ZSWIM2: variants seen among roughly 807,000 people sequenced by gnomAD.
ZSWIM2 encodes E3 ubiquitin-protein ligase ZSWIM2.
In ZSWIM2, 38 loss-of-function variants were observed where a neutral mutation model predicts 48.4. That is an observed-to-expected ratio of 0.79 (90% CI 0.61 to 1.03). The LOEUF (loss-of-function observed/expected upper bound fraction) is 1.03, where lower values mean the gene tolerates loss of function less well. ZSWIM2 is among the 50% of genes least tolerant of loss of function. The pLI is 0.00. For missense variants in ZSWIM2, 776 were observed against 730.2 expected, an observed-to-expected ratio of 1.06 and a Z score of -0.72; for synonymous variants, 240 against 251.3, an observed-to-expected ratio of 0.96 and a Z score of 0.42.
intron 4 of ZSWIM2, 80 bp from the exon 5 acceptor site, chr2:186,837,634 T>C (rs1248008446): frequency 1.7e-5 from 7 of 410,016 alleles, no homozygotes; most frequent in Non-Finnish European, 1.4e-5. Flanking sequence ...ATATATTATA[T>C]ATATATTTAT....
chr2:186,838,403 T>C (rs1037835656), intron 4 of ZSWIM2, among the ~76,000 whole-genome samples: 4 of 149,940 alleles, frequency 2.7e-5, no homozygotes, highest in Admixed American at 2.7e-4. Context: ...GGTTTAAAGA[T>C]AGAATTTTGA....
chr2:186,845,142 C>A (rs940338589), intron 2 of ZSWIM2, among the ~76,000 whole-genome samples: 5 of 151,302 alleles, frequency 3.3e-5, no homozygotes, highest in East Asian at 1.9e-4. Context: ...TGGCTGTTTT[C>A]CTACATATAC....
intron 2 of ZSWIM2, 37 bp downstream of exon 2, chr2:186,847,682 T>C: frequency 2.7e-6 from 4 of 1,485,276 alleles, no homozygotes; most frequent in Non-Finnish European, 3.7e-6. Context: ...ACCAAGATGT[T>C]CCTTCATGGA....
chr2:186,838,871 T>TTTCC, intron 4 of ZSWIM2, 88 bp downstream of exon 4: 1 of 1,166,844 alleles, frequency 8.6e-7, no homozygotes, highest in Non-Finnish European at 1.2e-6. Context: ...GTCTATTTTT[T>TTTCC]CCCTATCATG....
chr2:186,828,503 G>A lies in ZSWIM2; in HGVS notation c.1383C>T (p.Ala461=), dbSNP rs1172977878. The change falls in exon 9 of 9, where the codon GCC becomes GCT. Residue 461 remains alanine (A), a synonymous_variant. Transcript: ENST00000295131. ...GATTATCTATTGTTGTATTTTCATA[G>A]GCATCTTTTGGGCTTTGAGGTGTAT... is the stretch of plus-strand genomic sequence containing the variant. ...ELNTPQSPKD[A]YENTTIDNLC... 1 of 1,613,156 alleles carries A rather than the reference G, an allele frequency of 6.2e-7. No individual in the cohort carries two copies. Among genetic ancestry groups the A allele is most frequent in the Non-Finnish European group, 8.5e-7 (1 of 1,179,640 alleles).
At chr2:186,834,238 T>C (rs1358535448) in intron 5 of ZSWIM2, among the ~76,000 whole-genome samples, 1 of 152,150 alleles carries the variant, frequency 6.6e-6, no homozygotes, top group Non-Finnish European at 1.5e-5. Context: ...TATCTTACAG[T>C]TCCATTGGAT....
intron 2 of ZSWIM2, among the ~76,000 whole-genome samples, chr2:186,845,137 G>A (rs1691973426): frequency 6.6e-6 from 1 of 151,000 alleles, no homozygotes; most frequent in African/African-American, 2.4e-5. Flanking sequence ...CCAAATGGCT[G>A]TTTTCCTACA....
At position 186,828,652 on chromosome 2, in the gene ZSWIM2, C is replaced by A; in HGVS notation, c.1234G>T (p.Asp412Tyr). Residue 412 changes from aspartate to tyrosine, a missense_variant, in exon 9 of 9, where the codon GAC becomes TAC. Transcript: ENST00000295131. ...TTCTGCTTTGATAGATGAATGATGTCTCTGTTTGAAACAGACTGATGTGCT... is the reference window on the plus strand; with the variant it reads ...TTCTGCTTTGATAGATGAATGATGTATCTGTTTGAAACAGACTGATGTGCT... Reference protein sequence around the residue: ...GQAHQSVSNRDIIHLSKQKEP... With the variant: ...GQAHQSVSNRYIIHLSKQKEP... 1 of 1,613,238 alleles carries A rather than the reference C, an allele frequency of 6.2e-7. No individual in the cohort carries two copies. The highest frequency in any genetic ancestry group is 8.5e-7 in the Non-Finnish European group (1 of 1,179,648).
At chr2:186,847,676 A>T in intron 2 of ZSWIM2, 43 bp downstream of exon 2, 1 of 1,454,156 alleles carries the variant, frequency 6.9e-7, no homozygotes, top group Non-Finnish European at 9.5e-7. Flanking sequence ...TAACACACCA[A>T]GATGTTCCTT....
At chr2:186,837,253 G>C (rs980530167) in intron 5 of ZSWIM2, 53 bp downstream of exon 5, 7 of 1,589,966 alleles carry the variant, frequency 4.4e-6, no homozygotes, top group Non-Finnish European at 6.0e-6. Flanking sequence ...AAAGTTTCCT[G>C]ATGTAAAAAA....
At chr2:186,842,178 C>A (rs1217042860) in intron 3 of ZSWIM2, among the ~76,000 whole-genome samples, 2 of 151,284 alleles carry the variant, frequency 1.3e-5, no homozygotes, top group African/African-American at 2.4e-5. Flanking sequence ...TCTTCCATTA[C>A]AAGTAACATT....
intron 6 of ZSWIM2, among the ~76,000 whole-genome samples, chr2:186,833,439 A>T (rs2105817128): frequency 6.6e-6 from 1 of 152,266 alleles, no homozygotes; most frequent in African/African-American, 2.4e-5. Context: ...TTTTTAAGGT[A>T]AAAAATAACA....
At chr2:186,845,511 C>A (rs760054718) in intron 2 of ZSWIM2, among the ~76,000 whole-genome samples, 1 of 150,854 alleles carries the variant, frequency 6.6e-6, no homozygotes, top group East Asian at 1.9e-4. Context: ...AAAAAGTGAT[C>A]GAAATAAAAG....
chr2:186,829,496 C>G (rs1387577277), intron 8 of ZSWIM2, among the ~76,000 whole-genome samples: 1 of 152,002 alleles, frequency 6.6e-6, no homozygotes, highest in Non-Finnish European at 1.5e-5. Context: ...ACCATTTTAT[C>G]TTTCCTAGAT....
At chr2:186,834,455 CCTT>C (rs983880507) in intron 5 of ZSWIM2, among the ~76,000 whole-genome samples, 39 of 152,080 alleles carry the variant, frequency 2.6e-4, no homozygotes, top group African/African-American at 9.2e-4. Context: ...CAAATCTCCT[CCTT>C]CTGTCAGATC....
intron 5 of ZSWIM2, among the ~76,000 whole-genome samples, 195 bp from the exon 6 acceptor site, chr2:186,834,225 T>C (rs930339062): frequency 1.3e-5 from 2 of 152,148 alleles, no homozygotes. Context: ...TGCACAAATG[T>C]ATTATCTTAC....
At chr2:186,834,693 C>A (rs762259206) in intron 5 of ZSWIM2, among the ~76,000 whole-genome samples, 2 of 152,074 alleles carry the variant, frequency 1.3e-5, no homozygotes, top group African/African-American at 2.4e-5. Context: ...AGACTGCCTA[C>A]ATTTATTAGC....
At chr2:186,830,338 C>T (rs1317445634) in intron 7 of ZSWIM2, among the ~76,000 whole-genome samples, 2 of 152,096 alleles carry the variant, frequency 1.3e-5, no homozygotes, top group African/African-American at 2.4e-5. Context: ...GCCGAGATCA[C>T]GGCACTGTAC....
At position 186,849,073 on chromosome 2, in the gene ZSWIM2, T is replaced by G; in HGVS notation, c.58A>C (p.Ser20Arg). ...CTCAGCGCCTGGTCTTGGTGCCAGC[T>G]GAGCCTCTCGCTCAAGTGTCTTCGC... ...ERRRHLSERLSWHQDQALSSS... is the reference protein window; with the variant it reads ...ERRRHLSERLRWHQDQALSSS... The change falls in exon 1 of 9, where the codon AGC becomes CGC. Residue 20 changes from serine (S) to arginine (R), a missense_variant. Coordinates refer to ENST00000295131, the MANE Select transcript of ZSWIM2 (RefSeq NM_182521.3). 1 of 1,614,126 alleles carries G rather than the reference T, an allele frequency of 6.2e-7. No individual in the cohort carries two copies. Among genetic ancestry groups the G allele is most frequent in the Non-Finnish European group, 8.5e-7 (1 of 1,180,002 alleles).
Sources: gnomAD v4.1 joint callset for allele counts (sites outside exome capture counted in the v4.1 genomes callset) on GRCh38, gnomAD v4.1.1 for gene constraint, MANE v1.5 for transcripts, NCBI Gene and HGNC (gene_info 2026-07-23, HGNC 2026-07-21) for gene names.